Variants in RALYL observed in about 807,000 individuals in gnomAD.
The protein encoded by RALYL is RNA-binding Raly-like protein.
RALYL carries 29 observed loss-of-function variants against 35.1 expected under a neutral mutation model. The observed-to-expected ratio is 0.83, with a 90% CI of 0.61 to 1.13. The LOEUF (loss-of-function observed/expected upper bound fraction) is 1.13, where lower values mean the gene tolerates loss of function less well. Among genes scored for constraint, RALYL ranks in the 50% most tolerant of loss-of-function variants. RALYL has a pLI of 0.00. For missense variants in RALYL, 359 were observed against 360.4 expected, an observed-to-expected ratio of 1.00 and a Z score of 0.03; for synonymous variants, 120 against 127.6, an observed-to-expected ratio of 0.94 and a Z score of 0.40.
chr8:84,609,352 T>C (rs1229087325), intron 2 of RALYL, among the ~76,000 whole-genome samples: 1 of 152,152 alleles, frequency 6.6e-6, no homozygotes, highest in Non-Finnish European at 1.5e-5. Flanking sequence ...ATCTATGTCA[T>C]AGAGTTGGTA....
At chr8:84,215,118 A>C in intron 1 of RALYL, among the ~76,000 whole-genome samples, 1 of 151,930 alleles carries the variant, frequency 6.6e-6, no homozygotes, top group East Asian at 1.9e-4. Flanking sequence ...GGAAAGGAGA[A>C]GCCTGGTCCT....
chr8:84,492,545 T>A (rs989346608), intron 1 of RALYL, among the ~76,000 whole-genome samples: 4 of 152,110 alleles, frequency 2.6e-5, no homozygotes, highest in African/African-American at 9.7e-5. Flanking sequence ...CTTTTTTATA[T>A]GTGTGTAGTG....
chr8:84,675,765 C>T (rs570322626), intron 2 of RALYL, among the ~76,000 whole-genome samples: 31 of 152,176 alleles, frequency 2.0e-4, no homozygotes, highest in Admixed American at 1.8e-3. Context: ...AGTCCATAGA[C>T]GTTAGATCGT....
chr8:84,439,609 G>A lies in RALYL; in HGVS notation c.-23-89690G>A, dbSNP rs556629253. ...TTTGTTTTCAGGATTTATTTTCTGC[G>A]TCATGGAGATTAGCTTAATTGTGAT... On this transcript the variant is annotated intron_variant, in intron 1 of 8. Transcript: ENST00000521268. 9.9e-5 allele frequency among the ~76,000 whole-genome samples: 15 copies of A among 151,960 alleles called. No homozygotes were observed. The East Asian group carries it at 1.2e-3, about 12-fold the overall frequency.
intron 2 of RALYL, among the ~76,000 whole-genome samples, chr8:84,738,508 CTTTCAGATATT>C (rs1847723627): frequency 6.6e-6 from 1 of 152,046 alleles, no homozygotes; most frequent in Non-Finnish European, 1.5e-5. Context: ...CAGAAATACT[CTTTCAGATATT>C]TTTCTTACCC....
rs1446845879 is a variant in RALYL at position 84,732,443 on chromosome 8, TA to T, written c.257-42133del. On this transcript the variant is annotated intron_variant, in intron 2 of 8. Transcript: ENST00000521268. ...AATCTAATAAGTAAGATTATTCATC[TA>T]AAGTTTTTGACATATAGAAAGTACT... 1.1e-4 allele frequency among the ~76,000 whole-genome samples: 17 copies of T among 152,038 alleles called. 1 individual carries two copies. Among genetic ancestry groups the T allele is most frequent in the Admixed American group, 1.1e-3 (17 of 15,242 alleles).
intron 4 of RALYL, among the ~76,000 whole-genome samples, chr8:84,844,517 A>G (rs532532345): frequency 7.5e-4 from 114 of 152,282 alleles, no homozygotes; most frequent in South Asian, 2.3e-3. Context: ...TTACACTGTC[A>G]GTGGGACTGT....
intron 1 of RALYL, among the ~76,000 whole-genome samples, chr8:84,359,239 CTTT>C (rs5892912): frequency 1.4e-5 from 2 of 147,042 alleles, no homozygotes; most frequent in African/African-American, 2.5e-5. Flanking sequence ...ATTTTGAGAG[CTTT>C]TTTTTTTTTA....
At chr8:84,567,677 GTTT>G (rs200193309) in intron 2 of RALYL, among the ~76,000 whole-genome samples, 1 of 141,374 alleles carries the variant, frequency 7.1e-6, no homozygotes, top group Non-Finnish European at 1.6e-5. Context: ...AGTGAACGTT[GTTT>G]TTTTTTTTTT....
At chr8:84,539,014 AG>A (rs1285251003) in intron 2 of RALYL, among the ~76,000 whole-genome samples, 1 of 152,230 alleles carries the variant, frequency 6.6e-6, no homozygotes, top group Non-Finnish European at 1.5e-5. Context: ...AAATCTTTAT[AG>A]GCTGCAATTC....
At chr8:84,627,018 C>T (rs1041265954) in intron 2 of RALYL, among the ~76,000 whole-genome samples, 1 of 152,082 alleles carries the variant, frequency 6.6e-6, no homozygotes, top group Admixed American at 6.6e-5. Context: ...TATTATCTCC[C>T]TTCACCTTAC....
chr8:84,698,923 G>A (rs1054859274), intron 2 of RALYL, among the ~76,000 whole-genome samples: 2 of 152,028 alleles, frequency 1.3e-5, no homozygotes, highest in Non-Finnish European at 2.9e-5. Flanking sequence ...GAGGAAGGAC[G>A]CATCCTGCAA....
At chr8:84,394,468 A>C (rs1474863291) in intron 1 of RALYL, among the ~76,000 whole-genome samples, 2 of 152,088 alleles carry the variant, frequency 1.3e-5, no homozygotes, top group Non-Finnish European at 1.5e-5. Flanking sequence ...GCATAGTGCA[A>C]GAATACAGTT....
intron 2 of RALYL, among the ~76,000 whole-genome samples, chr8:84,764,383 C>T (rs1813402919): frequency 6.6e-6 from 1 of 152,052 alleles, no homozygotes; most frequent in Non-Finnish European, 1.5e-5. Context: ...TGCTCCCTGA[C>T]ATTTTAATTT....
chr8:84,410,013 G>A (rs1420431140), intron 1 of RALYL, among the ~76,000 whole-genome samples: 1 of 151,736 alleles, frequency 6.6e-6, no homozygotes. Flanking sequence ...TATGGTCTCT[G>A]GTAAATATAA....
At chr8:84,585,972 A>G (rs533692361) in intron 2 of RALYL, among the ~76,000 whole-genome samples, 1 of 152,208 alleles carries the variant, frequency 6.6e-6, no homozygotes, top group African/African-American at 2.4e-5. Flanking sequence ...CGAGGCAGGC[A>G]GATCATGAGG....
chr8:84,860,301 A>T (rs747045344), intron 5 of RALYL, among the ~76,000 whole-genome samples: 3 of 152,156 alleles, frequency 2.0e-5, no homozygotes, highest in Non-Finnish European at 2.9e-5. Flanking sequence ...GAACCTGTAA[A>T]ACTACACATT....
chr8:84,527,409 G>C (rs946872814), intron 1 of RALYL, among the ~76,000 whole-genome samples: 1 of 152,174 alleles, frequency 6.6e-6, no homozygotes, highest in Non-Finnish European at 1.5e-5. Flanking sequence ...ATCTAATCTA[G>C]CAATTCTTGT....
At chr8:84,824,899 C>A (rs1365360267) in intron 4 of RALYL, among the ~76,000 whole-genome samples, 1 of 152,092 alleles carries the variant, frequency 6.6e-6, no homozygotes, top group Non-Finnish European at 1.5e-5. Context: ...AGACCTCAAA[C>A]TATAAGAATC....
Sources: allele counts gnomAD v4.1 joint callset (sites outside exome capture counted in the v4.1 genomes callset), GRCh38; gene constraint gnomAD v4.1.1; transcripts MANE v1.5; gene names NCBI Gene and HGNC (gene_info 2026-07-23, HGNC 2026-07-21).